Variants in ELMO1 observed in about 807,000 individuals in gnomAD.
ELMO1 encodes the protein engulfment and cell motility protein 1.
Under a neutral mutation model 98.9 loss-of-function variants are expected in ELMO1, and 26 were observed. The ratio of observed to expected loss-of-function variants is 0.26; its 90% CI spans 0.19 to 0.36. ELMO1 has a LOEUF of 0.36. Among genes scored for constraint, ELMO1 ranks in the 10% least tolerant of loss-of-function variants. ELMO1 has a pLI of 1.00. For synonymous variants in ELMO1, 346 were observed against 346.0 expected (o/e 1.00, Z 0.00); for missense variants, 627 against 935.2 (o/e 0.67, Z 4.30).
At chr7:36,895,692 G>A (rs2129055719) in intron 16 of ELMO1, among the ~76,000 whole-genome samples, 1 of 152,326 alleles carries the variant, frequency 6.6e-6, no homozygotes, top group African/African-American at 2.4e-5. Context: ...TAGCCCACAA[G>A]GAGGCAATTA....
At chr7:37,436,170 T>C (rs894529354) in intron 1 of ELMO1, among the ~76,000 whole-genome samples, 2 of 152,236 alleles carry the variant, frequency 1.3e-5, no homozygotes, top group East Asian at 3.8e-4. Context: ...AGTGAGTTAC[T>C]GTAGATCTGT....
At chr7:36,900,938 G>A (rs967529073) in intron 16 of ELMO1, among the ~76,000 whole-genome samples, 1 of 152,202 alleles carries the variant, frequency 6.6e-6, no homozygotes, top group Non-Finnish European at 1.5e-5. Flanking sequence ...AGAGGGGTCT[G>A]GGGGAAGAAG....
intron 1 of ELMO1, among the ~76,000 whole-genome samples, chr7:37,433,788 T>C (rs1451093742): frequency 6.6e-6 from 1 of 152,096 alleles, no homozygotes; most frequent in African/African-American, 2.4e-5. Flanking sequence ...TTCCCTATTT[T>C]GGCAGTCATG....
chr7:36,903,732 C>T (rs1457993744), intron 16 of ELMO1, among the ~76,000 whole-genome samples: 1 of 152,210 alleles, frequency 6.6e-6, no homozygotes, highest in African/African-American at 2.4e-5. Flanking sequence ...ACTGCAGTTC[C>T]AGCGAAAAGG....
chr7:37,190,668 T>A (rs1584785979), intron 13 of ELMO1, among the ~76,000 whole-genome samples: 2 of 152,150 alleles, frequency 1.3e-5, no homozygotes, highest in Admixed American at 6.5e-5. Flanking sequence ...CCCGGCTAAC[T>A]TTTGTATTTT....
intron 4 of ELMO1, among the ~76,000 whole-genome samples, chr7:37,301,967 A>C (rs79578804): frequency 0.014 from 2,178 of 152,322 alleles, 61 homozygotes; most frequent in African/African-American, 0.05. Flanking sequence ...TAAAAAGTTA[A>C]ATAATTGCAA....
In ELMO1 at chr7:37,213,436, C is replaced by T. The variant is rs1398033032; in HGVS notation, c.853G>A (p.Ala285Thr). 2 of 1,611,972 alleles carry T rather than the reference C, an allele frequency of 1.2e-6. No individual in the cohort carries two copies. The highest frequency in any genetic ancestry group is 8.5e-7 in the Non-Finnish European group (1 of 1,179,576). Residue 285 changes from alanine (A) to threonine (T), a missense_variant, in exon 12 of 22, where the codon GCC (alanine) becomes ACC (threonine). Coordinates refer to ENST00000310758, the MANE Select transcript of ELMO1 (RefSeq NM_014800.11). ...TGGTGCGCCATCTCATTGTTGATGG[C>T]CCGCTGGGCTCGGATGACATGCTAG... Reference protein sequence around the residue: ...ILTHVIRAQRAINNEMAHQLY... With the variant: ...ILTHVIRAQRTINNEMAHQLY...
In ELMO1 at chr7:37,120,439, T is replaced by G. The variant is rs2541106; in HGVS notation, c.1191+12691A>C. On this transcript the variant is annotated intron_variant, in intron 14 of 21. Transcript: ENST00000310758. ...GTCACTCCCACCCTAATACTGCGCT[T>G]TTCTGACGGTTTTAGCAAACGGCAC... is the stretch of plus-strand genomic sequence containing the variant. Among the ~76,000 whole-genome samples, 384 of 152,250 alleles carry G rather than the reference T, an allele frequency of 2.5e-3. 2 individuals are homozygous for G. Among genetic ancestry groups the G allele is most frequent in the South Asian group, 9.7e-3 (47 of 4,824 alleles).
intron 1 of ELMO1, among the ~76,000 whole-genome samples, chr7:37,372,687 A>G (rs1802165792): frequency 6.6e-6 from 1 of 152,244 alleles, no homozygotes; most frequent in Non-Finnish European, 1.5e-5. Flanking sequence ...TCAAACTAAT[A>G]AAAATGCAAT....
Position 37,092,366 on chromosome 7 carries a change from C to CTTTTTTTTTT in ELMO1, c.1300+4243_1300+4252dup, listed in dbSNP as rs537388417. ...ACTTGCAAAAAAAATTACCCATATT[C>CTTTTTTTTTT]TTTTTTTTTTTTTTTTTTTTTTTTT... On this transcript the variant is annotated intron_variant, in intron 15 of 21. Coordinates refer to ENST00000310758, the MANE Select transcript of ELMO1 (RefSeq NM_014800.11). Among the ~76,000 whole-genome samples, 44 of 68,912 alleles carry CTTTTTTTTTT rather than the reference C, an allele frequency of 6.4e-4. 4 individuals are homozygous for CTTTTTTTTTT. Among genetic ancestry groups the CTTTTTTTTTT allele is most frequent in the African/African-American group, 1.2e-3 (27 of 21,966 alleles). 45.2% of individuals were successfully genotyped at this position (68,912 alleles called of 152,430 possible).
At chr7:37,105,117 T>C (rs1183442559) in intron 14 of ELMO1, among the ~76,000 whole-genome samples, 5 of 152,220 alleles carry the variant, frequency 3.3e-5, no homozygotes, top group Non-Finnish European at 7.3e-5. Flanking sequence ...TCCCTGCACT[T>C]TGATATAGTG....
At chr7:36,994,885 G>A (rs1191523409) in intron 16 of ELMO1, among the ~76,000 whole-genome samples, 2 of 152,150 alleles carry the variant, frequency 1.3e-5, no homozygotes, top group Non-Finnish European at 1.5e-5. Flanking sequence ...GCACTAGCTG[G>A]GCTGGCAAAG....
intron 15 of ELMO1, among the ~76,000 whole-genome samples, chr7:37,037,797 T>A (rs1795279136): frequency 6.6e-6 from 1 of 152,204 alleles, no homozygotes; most frequent in African/African-American, 2.4e-5. Context: ...TGAATGATAC[T>A]GAGATGCACA....
intron 15 of ELMO1, among the ~76,000 whole-genome samples, chr7:37,026,697 T>A (rs1200087200): frequency 1.3e-5 from 2 of 152,160 alleles, no homozygotes; most frequent in African/African-American, 4.8e-5. Context: ...TCCCTCTACT[T>A]GGACCCCACT....
Position 37,342,754 on chromosome 7 carries a change from G to A in ELMO1, c.-64C>T, listed in dbSNP as rs1264427481. The A allele has an allele frequency of 5.0e-6, 7 of 1,387,488 alleles. No individual in the cohort carries two copies. Among genetic ancestry groups the A allele is most frequent in the Admixed American group, 2.1e-5 (1 of 46,724 alleles). The allele number at this position is 1,387,488 out of a possible 1,614,324, so 85.9% of individuals were successfully genotyped here. A position where few individuals can be genotyped will look rare whatever the true frequency, so the allele number is the denominator to read the frequency against. The stretch of plus-strand genomic sequence containing the variant: ...GATCCTACAGCGTAAACGGCCACAC[G>A]TGTCTATACCTAATGAGGAATGACA... On this transcript the variant is annotated 5_prime_UTR_variant, in exon 2 of 22. In the 5' UTR this introduces an upstream ATG that the reference lacks. Coordinates refer to ENST00000310758, the MANE Select transcript of ELMO1 (RefSeq NM_014800.11). This position sits in a 1 kb window ranked among gnomAD's most constrained non-coding sequence, Gnocchi z 4.3.
In ELMO1 at chr7:37,244,337, A is replaced by C. The variant is rs1197355645; in HGVS notation, c.449+19T>G. 6.2e-7 allele frequency: 1 copy of C among 1,611,618 alleles called. No homozygotes were observed. Among genetic ancestry groups the C allele is most frequent in the South Asian group, 1.1e-5 (1 of 90,520 alleles). Reference sequence around the variant, plus strand: ...AGGAAGGGTTAAATCATCAATATCAATCGATCAAATATTCTTACCAAGGCT... The same window carrying C: ...AGGAAGGGTTAAATCATCAATATCACTCGATCAAATATTCTTACCAAGGCT... On this transcript the variant is annotated intron_variant, in intron 7 of 21. Transcript: ENST00000310758.
intron 15 of ELMO1, among the ~76,000 whole-genome samples, chr7:37,016,435 C>T (rs563261540): frequency 5.3e-5 from 8 of 152,186 alleles, no homozygotes; most frequent in South Asian, 2.1e-4. Context: ...CCCAAATGAG[C>T]GTCTGAAACC....
In ELMO1 at chr7:37,182,455, T is replaced by C. The variant is rs930680390; in HGVS notation, c.1086+28931A>G. On this transcript the variant is annotated intron_variant, in intron 13 of 21. Transcript: ENST00000310758. ...CATAGGAAGATCATGAGTGCTCTTG[T>C]GCTCTACTTTTTTTTTTTTTTTTTT... Among the ~76,000 whole-genome samples the C allele has an allele frequency of 5.4e-3, 23 of 4,276 alleles. 3 individuals are homozygous for C. The highest frequency in any genetic ancestry group is 0.013 in the African/African-American group (22 of 1,672). The allele number at this position is 4,276 out of a possible 152,430, so 2.8% of individuals were successfully genotyped here.
At chr7:37,308,831 T>C (rs1353747758) in intron 4 of ELMO1, among the ~76,000 whole-genome samples, 6 of 152,142 alleles carry the variant, frequency 3.9e-5, no homozygotes, top group Admixed American at 6.5e-5. Context: ...GGGACAGGAA[T>C]ACAAGCAGCC....
Sources: gnomAD v4.1 joint callset for allele counts (sites outside exome capture counted in the v4.1 genomes callset) on GRCh38, gnomAD v4.1.1 for gene constraint, Gnocchi (gnomAD v3.1) non-coding constraint, MANE v1.5 for transcripts, NCBI Gene and HGNC (gene_info 2026-07-23, HGNC 2026-07-21) for gene names.